GRID2: variants seen among roughly 807,000 people sequenced by gnomAD.
GRID2 encodes the protein glutamate ionotropic receptor delta type subunit 2.
Under a neutral mutation model 114.8 loss-of-function variants are expected in GRID2, and 33 were observed. The ratio of observed to expected loss-of-function variants is 0.29; its 90% confidence interval spans 0.22 to 0.38. GRID2 has a LOEUF of 0.38. Ranked by LOEUF, GRID2 falls within the 10% of genes least tolerant of loss-of-function variation. GRID2 has a pLI of 1.00. For missense variants in GRID2, 1,184 were observed against 1,257.7 expected, an observed-to-expected ratio of 0.94 and a Z score of 0.89; for synonymous variants, 505 against 449.9, an observed-to-expected ratio of 1.12 and a Z score of -1.55.
intron 1 of GRID2, among the ~76,000 whole-genome samples, chr4:92,498,222 G>T (rs1372466382): frequency 6.6e-6 from 1 of 151,754 alleles, no homozygotes; most frequent in Non-Finnish European, 1.5e-5. Flanking sequence ...AGCACAAGGG[G>T]AATAATGTGA....
chr4:93,534,541 C>G (rs1221243889), intron 13 of GRID2, among the ~76,000 whole-genome samples: 1 of 152,074 alleles, frequency 6.6e-6, no homozygotes, highest in East Asian at 1.9e-4. Flanking sequence ...GCCTTTTTCA[C>G]TCACTGATAG....
At chr4:93,564,564 C>A (rs1735233915) in intron 13 of GRID2, among the ~76,000 whole-genome samples, 2 of 152,022 alleles carry the variant, frequency 1.3e-5, no homozygotes, top group African/African-American at 4.8e-5. Context: ...AGCTCAAAAT[C>A]TGCTTTTTAA....
intron 1 of GRID2, among the ~76,000 whole-genome samples, chr4:92,433,302 A>G (rs1177480272): frequency 6.6e-6 from 1 of 152,180 alleles, no homozygotes; most frequent in East Asian, 1.9e-4. Flanking sequence ...CTCTGGGCCC[A>G]GCACAGCACT....
chr4:93,352,895 A>T (rs1046175479), intron 8 of GRID2, among the ~76,000 whole-genome samples: 3 of 152,062 alleles, frequency 2.0e-5, no homozygotes, highest in Middle Eastern at 3.4e-3. Context: ...TTAAGACTTG[A>T]TCTCTATCAG....
At chr4:93,174,755 G>A (rs1416434028) in intron 4 of GRID2, among the ~76,000 whole-genome samples, 1 of 152,168 alleles carries the variant, frequency 6.6e-6, no homozygotes, top group Non-Finnish European at 1.5e-5. Context: ...TTCCAGAACA[G>A]TGATAAATAA....
intron 2 of GRID2, among the ~76,000 whole-genome samples, chr4:92,974,413 A>T (rs906499756): frequency 1.1e-4 from 16 of 152,134 alleles, no homozygotes; most frequent in African/African-American, 3.6e-4. Flanking sequence ...CACTGTTCAC[A>T]ATAGCAAAGA....
intron 8 of GRID2, chr4:93,305,968 G>A (rs1474051579): frequency 6.6e-6 from 1 of 152,110 alleles, no homozygotes; most frequent in Non-Finnish European, 1.5e-5. Flanking sequence ...AATTCCCATA[G>A]GACTCTACTT....
intron 1 of GRID2, among the ~76,000 whole-genome samples, chr4:92,532,864 G>A (rs1382639359): frequency 6.6e-6 from 1 of 152,036 alleles, no homozygotes; most frequent in African/African-American, 2.4e-5. Flanking sequence ...CTTGAGCCCA[G>A]GAGTTCAAGA....
chr4:92,541,370 A>C (rs1725939553), intron 1 of GRID2, among the ~76,000 whole-genome samples: 1 of 152,058 alleles, frequency 6.6e-6, no homozygotes. Context: ...TTTTTGGTCA[A>C]AGAAATCAAA....
chr4:93,263,735 G>C (rs1314973411), intron 8 of GRID2, among the ~76,000 whole-genome samples: 1 of 151,782 alleles, frequency 6.6e-6, no homozygotes, highest in African/African-American at 2.4e-5. Context: ...CATTCTTTAG[G>C]GGTTAGAGTG....
chr4:92,883,782 T>C (rs981506289), intron 2 of GRID2, among the ~76,000 whole-genome samples: 1 of 152,302 alleles, frequency 6.6e-6, no homozygotes, highest in Admixed American at 6.5e-5. Context: ...GTTTAAAATA[T>C]TCAGTAAACC....
At chr4:93,360,492 T>A (rs1761790397) in intron 8 of GRID2, among the ~76,000 whole-genome samples, 1 of 152,034 alleles carries the variant, frequency 6.6e-6, no homozygotes, top group African/African-American at 2.4e-5. Flanking sequence ...ATATGTGAGA[T>A]ATCCTTTTTA....
intron 13 of GRID2, among the ~76,000 whole-genome samples, chr4:93,516,835 G>A (rs1337057091): frequency 6.6e-6 from 1 of 152,034 alleles, no homozygotes; most frequent in Non-Finnish European, 1.5e-5. Context: ...TGTTAAAAAT[G>A]AATTTGTTTT....
At chr4:92,735,421 G>A (rs967899219) in intron 2 of GRID2, among the ~76,000 whole-genome samples, 1 of 152,044 alleles carries the variant, frequency 6.6e-6, no homozygotes, top group African/African-American at 2.4e-5. Context: ...TGTGAATGTG[G>A]TTTCTCAAAG....
chr4:92,986,816 C>T (rs913134243), intron 2 of GRID2, among the ~76,000 whole-genome samples: 7 of 151,902 alleles, frequency 4.6e-5, no homozygotes, highest in Admixed American at 2.6e-4. Context: ...CTGAAGATAA[C>T]GTAAAGATAA....
chr4:92,870,932 T>C (rs1314852995), intron 2 of GRID2, among the ~76,000 whole-genome samples: 3 of 152,212 alleles, frequency 2.0e-5, no homozygotes, highest in Non-Finnish European at 4.4e-5. Flanking sequence ...CACATAATGA[T>C]CCCTTTCTTA....
At chr4:92,347,806 T>G (rs1727848072) in intron 1 of GRID2, among the ~76,000 whole-genome samples, 1 of 152,136 alleles carries the variant, frequency 6.6e-6, no homozygotes, top group African/African-American at 2.4e-5. Context: ...AGATGATTTA[T>G]GAAAAGAGAC....
At chr4:92,923,014 T>A (rs144946177) in intron 2 of GRID2, among the ~76,000 whole-genome samples, 1 of 152,212 alleles carries the variant, frequency 6.6e-6, no homozygotes, top group Admixed American at 6.5e-5. Context: ...ACTTTACATA[T>A]GAATTTTGTT....
intron 4 of GRID2, among the ~76,000 whole-genome samples, chr4:93,151,136 AG>A (rs1412748974): frequency 4.8e-5 from 7 of 145,882 alleles, no homozygotes; most frequent in African/African-American, 1.8e-4. Context: ...AAAAAAAAAA[AG>A]AAAGAAAAAA....
Sources: gnomAD v4.1 joint callset for allele counts (sites outside exome capture counted in the v4.1 genomes callset) on GRCh38, gnomAD v4.1.1 for gene constraint, MANE v1.5 for transcripts, NCBI Gene and HGNC (gene_info 2026-07-23, HGNC 2026-07-21) for gene names.